Variants in ACVR2A observed in about 807,000 individuals in gnomAD.
ACVR2A encodes activin A receptor type 2A.
ACVR2A carries 7 observed loss-of-function variants against 61.4 expected under a neutral mutation model. The ratio of observed to expected loss-of-function variants is 0.11; its 90% CI spans 0.06 to 0.21. ACVR2A has a LOEUF of 0.21. ACVR2A is among the 10% of genes least tolerant of loss of function. ACVR2A has a pLI of 1.00. For synonymous variants in ACVR2A, 193 were observed against 208.3 expected, an observed-to-expected ratio of 0.93 and a Z score of 0.63; for missense variants, 322 against 621.7, an observed-to-expected ratio of 0.52 and a Z score of 5.13.
chr2:147,899,379 T>G, intron 2 of ACVR2A, 79 bp from the exon 3 acceptor site: 1 of 884,806 alleles, frequency 1.1e-6, no homozygotes, highest in Non-Finnish European at 1.6e-6. Flanking sequence ...TTTATTATTT[T>G]ATTGCAGAAT....
chr2:147,920,426 T>G, intron 8 of ACVR2A, 82 bp downstream of exon 8: 1 of 1,055,470 alleles, frequency 9.5e-7, no homozygotes, highest in Non-Finnish European at 1.4e-6. Flanking sequence ...ACTGAATTAG[T>G]CTAAAATTGT....
chr2:147,890,540 A>G (rs1280865320), intron 1 of ACVR2A, among the ~76,000 whole-genome samples: 3 of 152,198 alleles, frequency 2.0e-5, no homozygotes, highest in African/African-American at 4.8e-5. Flanking sequence ...ATTCTGATGC[A>G]CATCATTGGT....
chr2:147,908,141 T>C (rs1368774809), intron 4 of ACVR2A, among the ~76,000 whole-genome samples: 1 of 152,102 alleles, frequency 6.6e-6, no homozygotes, highest in Non-Finnish European at 1.5e-5. Flanking sequence ...TGACTATATG[T>C]GGCCTTGTAG....
Position 147,927,282 on chromosome 2 carries a change from G to A in ACVR2A, c.*8G>A, listed in dbSNP as rs375329742. The A allele has an allele frequency of 1.7e-5, 27 of 1,607,214 alleles. No individual in the cohort carries two copies. Among genetic ancestry groups the A allele is most frequent in the African/African-American group, 1.3e-4 (10 of 74,408 alleles). ...AAAGAATCTAGTCTATGATGGTTGC[G>A]CCATCTGTGCACACTAAGAAATGGG... On this transcript the variant is annotated 3_prime_UTR_variant, in exon 11 of 11. Transcript: ENST00000241416.
chr2:147,901,287 A>AAGG (rs1686866812), intron 4 of ACVR2A, among the ~76,000 whole-genome samples: 1 of 152,000 alleles, frequency 6.6e-6, no homozygotes, highest in African/African-American at 2.4e-5. Flanking sequence ...AGTTTACCAG[A>AAGG]TCTGTGATAT....
chr2:147,860,949 C>T (rs1311500257), intron 1 of ACVR2A, among the ~76,000 whole-genome samples: 1 of 152,160 alleles, frequency 6.6e-6, no homozygotes, highest in African/African-American at 2.4e-5. Flanking sequence ...TAAGTTGTTA[C>T]AGATTTTTCA....
At chr2:147,906,203 A>G (rs924167560) in intron 4 of ACVR2A, among the ~76,000 whole-genome samples, 1 of 151,824 alleles carries the variant, frequency 6.6e-6, no homozygotes, top group Non-Finnish European at 1.5e-5. Flanking sequence ...TTAAATTAAG[A>G]TAATAGAAAT....
chr2:147,882,812 A>T (rs915288475), intron 1 of ACVR2A, among the ~76,000 whole-genome samples: 4 of 69,542 alleles, frequency 5.8e-5, no homozygotes, highest in African/African-American at 2.0e-4. Context: ...ATTACAGACA[A>T]GAGGAAAAAA....
chr2:147,924,792 C>T (rs1687464061), intron 9 of ACVR2A, among the ~76,000 whole-genome samples: 1 of 151,898 alleles, frequency 6.6e-6, no homozygotes, highest in African/African-American at 2.4e-5. Flanking sequence ...TAGATTCTGA[C>T]TCAGTAGGTC....
At position 147,845,147 on chromosome 2, in the gene ACVR2A, G is replaced by T. The variant is rs768343625; in HGVS notation, c.-6G>T. ...CTTCCTCCGGATTCCCCGGCGCCTC[G>T]GGAAAATGGGAGCTGCTGCAAAGTT... On this transcript the variant is annotated 5_prime_UTR_variant, in exon 1 of 11. Coordinates refer to ENST00000241416, the MANE Select transcript of ACVR2A (RefSeq NM_001616.5). 5 of 1,613,120 alleles carry T rather than the reference G, an allele frequency of 3.1e-6. No individual in the cohort carries two copies. The highest frequency in any genetic ancestry group is 3.4e-6 in the Non-Finnish European group (4 of 1,179,782).
At chr2:147,854,319 G>C (rs1182863409) in intron 1 of ACVR2A, among the ~76,000 whole-genome samples, 1 of 152,172 alleles carries the variant, frequency 6.6e-6, no homozygotes, top group Non-Finnish European at 1.5e-5. Flanking sequence ...CTATTTATTA[G>C]TGGGAATTTA....
chr2:147,880,231 G>A (rs1299419221), intron 1 of ACVR2A, among the ~76,000 whole-genome samples: 1 of 152,004 alleles, frequency 6.6e-6, no homozygotes, highest in Non-Finnish European at 1.5e-5. Flanking sequence ...TTTTATAGTA[G>A]GTTCTTGCTA....
chr2:147,904,973 A>G (rs1339407779), intron 4 of ACVR2A, among the ~76,000 whole-genome samples: 1 of 152,032 alleles, frequency 6.6e-6, no homozygotes, highest in Non-Finnish European at 1.5e-5. Flanking sequence ...GGAGTTTATG[A>G]ACACATCTCT....
intron 1 of ACVR2A, among the ~76,000 whole-genome samples, chr2:147,874,214 C>G (rs75518972): frequency 0.012 from 1,821 of 151,940 alleles, 44 homozygotes; most frequent in African/African-American, 0.042. Flanking sequence ...CCAGTCTTGA[C>G]CACTTAACTT....
chr2:147,895,222 G>A (rs1048181085), intron 1 of ACVR2A, among the ~76,000 whole-genome samples: 1 of 152,214 alleles, frequency 6.6e-6, no homozygotes, highest in South Asian at 2.1e-4. Flanking sequence ...GTAAACAAAT[G>A]TAAAGATACA....
Position 147,900,035 on chromosome 2 carries a change from C to CT in ACVR2A, c.528+138dup, listed in dbSNP as rs376638844. On this transcript the variant is annotated intron_variant, in intron 4 of 10. Coordinates refer to ENST00000241416, the MANE Select transcript of ACVR2A (RefSeq NM_001616.5). ...TTGAATGTTTATTGTCATGAGAACT[C>CT]TAGCTAACTTTGCAAACTTATTAAT... is the stretch of plus-strand genomic sequence containing the variant. The CT allele has an allele frequency of 2.1e-4, 205 of 999,194 alleles. 1 individual carries two copies. In the African/African-American group the frequency reaches 3.0e-3, roughly 15 times the overall value. 61.9% of individuals were successfully genotyped at this position (999,194 alleles called of 1,614,324 possible). A position where few individuals can be genotyped will look rare whatever the true frequency, so the allele number is the denominator to read the frequency against.
chr2:147,916,296 A>G (rs1195598238), intron 5 of ACVR2A, among the ~76,000 whole-genome samples: 3 of 151,806 alleles, frequency 2.0e-5, no homozygotes, highest in Non-Finnish European at 4.4e-5. Flanking sequence ...AAGGGAAGAA[A>G]TTATTTCCAT....
chr2:147,877,139 C>T (rs140579340), intron 1 of ACVR2A, among the ~76,000 whole-genome samples: 511 of 152,236 alleles, frequency 3.4e-3, no homozygotes, highest in East Asian at 8.3e-3. Flanking sequence ...TAGCTTTTAA[C>T]ATGGAGAAAA....
chr2:147,921,144 C>T (rs1294881777), intron 8 of ACVR2A, among the ~76,000 whole-genome samples: 1 of 152,146 alleles, frequency 6.6e-6, no homozygotes, highest in Non-Finnish European at 1.5e-5. Flanking sequence ...AGTGATTCTC[C>T]TGGCTCAGCT....
Sources: gnomAD v4.1 joint callset for allele counts (sites outside exome capture counted in the v4.1 genomes callset) on GRCh38, gnomAD v4.1.1 for gene constraint, MANE v1.5 for transcripts, NCBI Gene and HGNC (gene_info 2026-07-23, HGNC 2026-07-21) for gene names.